The following CHAF1B variants were observed in gnomAD, a reference collection of about 807,000 sequenced individuals.
CHAF1B encodes CAF-1 subunit B.
A neutral mutation model predicts 60.7 loss-of-function variants in CHAF1B; 10 were observed. The observed-to-expected ratio is 0.16, with a 90% confidence interval of 0.10 to 0.28. The LOEUF (loss-of-function observed/expected upper bound fraction) is 0.28, where lower values mean the gene tolerates loss of function less well. Among genes scored for constraint, CHAF1B ranks in the 10% least tolerant of loss-of-function variants. CHAF1B has a pLI of 1.00. For synonymous variants in CHAF1B, 261 were observed against 266.1 expected, an observed-to-expected ratio of 0.98 and a Z score of 0.19; for missense variants, 558 against 708.4, an observed-to-expected ratio of 0.79 and a Z score of 2.41.
chr21:36,385,920 G>C (rs1476598339), intron 1 of CHAF1B, 140 bp from the exon 2 acceptor site: 7 of 514,192 alleles, frequency 1.4e-5, no homozygotes, highest in Admixed American at 6.8e-5. Context: ...ATTTTAGGTG[G>C]AGCTAGCAAG....
At position 36,411,647 on chromosome 21, in the gene CHAF1B, G is replaced by A. The variant is rs1283000984; in HGVS notation, c.1061+43G>A. 5 of 1,607,540 alleles carry A rather than the reference G, an allele frequency of 3.1e-6. No individual in the cohort carries two copies. The East Asian group carries it at 1.1e-4, about 36-fold the overall frequency. On this transcript the variant is annotated intron_variant, in intron 11 of 13. Coordinates refer to ENST00000314103, the MANE Select transcript of CHAF1B (RefSeq NM_005441.3). ...AGGGAGAGTGAGTGAAGGAGACCGT[G>A]GCTGTATCCTGGAAGACACCCCGGG...
chr21:36,400,174 G>A (rs920287877), intron 7 of CHAF1B, among the ~76,000 whole-genome samples: 6 of 151,008 alleles, frequency 4.0e-5, no homozygotes, highest in African/African-American at 1.5e-4. Flanking sequence ...AGCGAGACTC[G>A]ATTTCAAAAA....
At position 36,399,522 on chromosome 21, in the gene CHAF1B, G is replaced by T. The variant is rs745473711; in HGVS notation, c.580G>T (p.Val194Leu). The change falls in exon 7 of 14, where the codon GTG becomes TTG. Residue 194 changes from valine (V) to leucine (L), a missense_variant and splice_region_variant. Val to Leu is a conservative substitution (Grantham distance 32). Coordinates refer to ENST00000314103, the MANE Select transcript of CHAF1B (RefSeq NM_005441.3). ...AAATCAGACATGTTCTTTCTTCAGGGTGCTGCGAGTATACAGTATACAGAA... is the reference window on the plus strand; with the variant it reads ...AAATCAGACATGTTCTTTCTTCAGGTTGCTGCGAGTATACAGTATACAGAA... ...QYVATLSCDR[V>L]LRVYSIQKKR... 3.1e-6 allele frequency: 5 copies of T among 1,613,286 alleles called. No homozygotes were observed. The East Asian group carries it at 8.9e-5, about 29-fold the overall frequency.
chr21:36,391,501 T>C, intron 3 of CHAF1B, 50 bp from the exon 4 acceptor site: 1 of 1,073,728 alleles, frequency 9.3e-7, no homozygotes, highest in Non-Finnish European at 1.4e-6. Flanking sequence ...AATCCTAATA[T>C]GAAGGAGTGT....
intron 8 of CHAF1B, among the ~76,000 whole-genome samples, chr21:36,407,315 AAAG>A (rs2086245944): frequency 6.6e-6 from 1 of 151,962 alleles, no homozygotes; most frequent in African/African-American, 2.4e-5. Context: ...AAAAAAAAAA[AAAG>A]TATATGTTCA....
intron 4 of CHAF1B, among the ~76,000 whole-genome samples, chr21:36,391,907 A>ATGTTTTTTTTT (rs2086092077): frequency 1.5e-5 from 1 of 67,052 alleles, no homozygotes; most frequent in Non-Finnish European, 2.5e-5. Context: ...TGATTTTTAA[A>ATGTTTTTTTTT]TTTTTTTTTT....
chr21:36,391,070 T>C (rs1011934661), intron 3 of CHAF1B, among the ~76,000 whole-genome samples: 7 of 152,210 alleles, frequency 4.6e-5, no homozygotes, highest in South Asian at 2.1e-4. Context: ...CTTTGCTGTT[T>C]TGTTTTTCTA....
At chr21:36,401,634 T>TATAATATATATTTTTATATTATAC (rs1569125368) in intron 7 of CHAF1B, among the ~76,000 whole-genome samples, 8 of 129,374 alleles carry the variant, frequency 6.2e-5, no homozygotes, top group East Asian at 4.2e-4. Context: ...TTATATTATA[T>TATAATATATATTTTTATATTATAC]ATAATATATA....
intron 2 of CHAF1B, 150 bp from the exon 3 acceptor site, chr21:36,387,448 T>C: frequency 1.1e-6 from 1 of 889,826 alleles, no homozygotes; most frequent in Middle Eastern, 3.1e-4. Flanking sequence ...CTTGAACTCC[T>C]GGCCTCAAGT....
At chr21:36,409,621 CTATT>C (rs760209562) in intron 10 of CHAF1B, among the ~76,000 whole-genome samples, 156 bp downstream of exon 10, 1 of 151,866 alleles carries the variant, frequency 6.6e-6, no homozygotes. Flanking sequence ...ACATTTAAAT[CTATT>C]TATTTATTTA....
intron 5 of CHAF1B, 101 bp from the exon 6 acceptor site, chr21:36,397,314 G>A (rs927718035): frequency 4.1e-6 from 2 of 485,548 alleles, no homozygotes; most frequent in Non-Finnish European, 7.2e-6. Context: ...TGAGTGATGC[G>A]TGGTAAAGGG....
intron 10 of CHAF1B, among the ~76,000 whole-genome samples, chr21:36,411,073 T>C (rs2086274545): frequency 6.6e-6 from 1 of 152,010 alleles, no homozygotes; most frequent in African/African-American, 2.4e-5. Flanking sequence ...CACTGACTTT[T>C]ACTTTAGTGG....
Position 36,408,823 on chromosome 21 carries a change from C to G in CHAF1B, c.820C>G (p.Leu274Val). ...CACTTATGTTTTCTCCAGGAAGAAT[C>G]TTAAAAGGTATGCAGTCAAGGAAAT... ...NTTYVFSRKN[L>V]KRPIAHLPCP... Residue 274 changes from leucine (L) to valine (V), a missense_variant, in exon 9 of 14, where the codon CTT becomes GTT. Around this residue, in one of 2 missense-constraint regions of CHAF1B, gnomAD observed 325 missense variants for 493.5 expected, o/e 0.66. Coordinates refer to ENST00000314103, the MANE Select transcript of CHAF1B (RefSeq NM_005441.3). 1 of 1,598,062 alleles carries G rather than the reference C, an allele frequency of 6.3e-7. No homozygotes were observed. Among genetic ancestry groups the G allele is most frequent in the African/African-American group, 1.3e-5 (1 of 74,704 alleles).
chr21:36,409,718 G>A (rs980691354), intron 10 of CHAF1B, among the ~76,000 whole-genome samples: 3 of 151,848 alleles, frequency 2.0e-5, no homozygotes, highest in African/African-American at 7.3e-5. Context: ...GGCTGGTCTT[G>A]AACTCCTGGA....
At chr21:36,403,228 C>T (rs529112006) in intron 8 of CHAF1B, among the ~76,000 whole-genome samples, 11 of 151,986 alleles carry the variant, frequency 7.2e-5, no homozygotes, top group South Asian at 2.1e-4. Context: ...GAGGCTGAGG[C>T]GGGCGGATCA....
chr21:36,408,382 A>G (rs372233313), intron 8 of CHAF1B, among the ~76,000 whole-genome samples: 4 of 152,302 alleles, frequency 2.6e-5, no homozygotes, highest in African/African-American at 9.6e-5. Context: ...TCCAGGAAAT[A>G]GAGATGAGGG....
At chr21:36,405,571 AG>A (rs1282481100) in intron 8 of CHAF1B, among the ~76,000 whole-genome samples, 1 of 152,082 alleles carries the variant, frequency 6.6e-6, no homozygotes, top group Non-Finnish European at 1.5e-5. Flanking sequence ...CTGGGACCAC[AG>A]GCGTGTAGCA....
chr21:36,388,052 A>C (rs1350179556), intron 3 of CHAF1B, among the ~76,000 whole-genome samples: 2 of 151,762 alleles, frequency 1.3e-5, no homozygotes, highest in African/African-American at 4.8e-5. Flanking sequence ...CGAACTCCTG[A>C]CCTCAGGTGA....
chr21:36,412,625 G>A, intron 11 of CHAF1B: 2 of 419,154 alleles, frequency 4.8e-6, no homozygotes, highest in South Asian at 2.5e-5. Flanking sequence ...GCCTCCCAAA[G>A]TGCTGGGATT....
Sources: gnomAD v4.1 joint callset for allele counts (sites outside exome capture counted in the v4.1 genomes callset) on GRCh38, gnomAD v4.1.1 for gene constraint, gnomAD v4.1.1 regional missense constraint, MANE v1.5 for transcripts, NCBI Gene and HGNC (gene_info 2026-07-23, HGNC 2026-07-21) for gene names.